Variants in RBM19 observed in about 807,000 individuals in gnomAD.
RBM19 encodes probable RNA-binding protein 19.
A neutral mutation model predicts 116.8 loss-of-function variants in RBM19; 94 were observed. That is an observed-to-expected ratio of 0.80 (90% CI 0.68 to 0.95). The LOEUF (loss-of-function observed/expected upper bound fraction) is 0.95. RBM19 is among the 40% of genes least tolerant of loss of function. RBM19 has a pLI of 0.00. For missense variants in RBM19, 1,161 were observed against 1,220.7 expected (o/e 0.95, Z 0.73); for synonymous variants, 475 against 494.1 (o/e 0.96, Z 0.51).
intron 21 of RBM19, among the ~76,000 whole-genome samples, chr12:113,896,681 G>A (rs928779710): frequency 6.6e-6 from 1 of 152,150 alleles, no homozygotes; most frequent in African/African-American, 2.4e-5. Context: ...AAGGCGGGAG[G>A]AATGGTGAAT....
chr12:113,926,753 A>G (rs1212033363), intron 17 of RBM19, among the ~76,000 whole-genome samples: 1 of 152,170 alleles, frequency 6.6e-6, no homozygotes, highest in Non-Finnish European at 1.5e-5. Flanking sequence ...GGGTATTTAC[A>G]TCATAGAAAC....
intron 15 of RBM19, 50 bp downstream of exon 15, chr12:113,939,910 G>A: frequency 6.3e-7 from 1 of 1,587,842 alleles, no homozygotes; most frequent in East Asian, 2.2e-5. Context: ...CCTTGAAGCA[G>A]CCCTCACTGG....
At chr12:113,844,566 C>T (rs1310511422) in intron 23 of RBM19, 102 bp downstream of exon 23, 2 of 1,441,600 alleles carry the variant, frequency 1.4e-6, no homozygotes, top group East Asian at 2.6e-5. Flanking sequence ...CCCTTGTGCC[C>T]ATAGCCTGCT....
intron 23 of RBM19, among the ~76,000 whole-genome samples, chr12:113,828,189 T>A (rs73393036): frequency 0.031 from 4,719 of 150,990 alleles, 239 homozygotes; most frequent in African/African-American, 0.11. Context: ...TTTGCTGACA[T>A]GATTTGCCAT....
intron 23 of RBM19, among the ~76,000 whole-genome samples, chr12:113,827,456 T>C (rs1443562754): frequency 7.5e-6 from 1 of 132,946 alleles, no homozygotes. Flanking sequence ...TGGCTGGCGC[T>C]GTCGGCCCTG....
chr12:113,856,210 T>G (rs1451697078), intron 22 of RBM19, among the ~76,000 whole-genome samples: 1 of 152,056 alleles, frequency 6.6e-6, no homozygotes, highest in African/African-American at 2.4e-5. Flanking sequence ...AGGGAAGGGA[T>G]GGAGGGGGAG....
At chr12:113,925,742 C>A (rs12425416) in intron 17 of RBM19, among the ~76,000 whole-genome samples, 6,527 of 152,260 alleles carry the variant, frequency 0.043, 352 homozygotes, top group Admixed American at 0.16. Flanking sequence ...GCTATGACTT[C>A]CAGCTCCAGA....
chr12:113,885,572 C>G (rs988094068), intron 21 of RBM19, among the ~76,000 whole-genome samples: 1 of 152,038 alleles, frequency 6.6e-6, no homozygotes, highest in South Asian at 2.1e-4. Context: ...AGGTTAATTT[C>G]CTGGTTTTGA....
intron 21 of RBM19, among the ~76,000 whole-genome samples, chr12:113,874,102 C>CT (rs1265456984): frequency 6.6e-6 from 1 of 152,360 alleles, no homozygotes; most frequent in East Asian, 1.9e-4. Context: ...TGTCACCCTG[C>CT]TTCATTTGTC....
At chr12:113,946,616 A>T in intron 11 of RBM19, 141 bp from the exon 12 acceptor site, 1 of 1,094,922 alleles carries the variant, frequency 9.1e-7, no homozygotes, top group African/African-American at 1.6e-5. Flanking sequence ...GAGGTCAGGT[A>T]GAACGTGGCC....
chr12:113,951,837 G>A (rs1340382622), intron 8 of RBM19, among the ~76,000 whole-genome samples: 1 of 152,096 alleles, frequency 6.6e-6, no homozygotes, highest in Non-Finnish European at 1.5e-5. Flanking sequence ...CTCTACCCAG[G>A]CCAGTGTCTT....
At chr12:113,941,493 G>A (rs1870561640) in intron 14 of RBM19, among the ~76,000 whole-genome samples, 1 of 148,566 alleles carries the variant, frequency 6.7e-6, no homozygotes, top group Admixed American at 6.6e-5. Context: ...TTAGAAGAGT[G>A]CTTTGGTAAG....
chr12:113,947,563 T>C, intron 10 of RBM19, 99 bp from the exon 11 acceptor site: 2 of 1,332,734 alleles, frequency 1.5e-6, no homozygotes, highest in South Asian at 1.7e-5. Context: ...TCACAGGTCA[T>C]GGGTGTCATT....
intron 22 of RBM19, among the ~76,000 whole-genome samples, chr12:113,851,151 A>C (rs1339985294): frequency 1.3e-5 from 2 of 152,152 alleles, no homozygotes; most frequent in Non-Finnish European, 2.9e-5. Context: ...CTCCCTGCAC[A>C]ATCTTGGGTG....
chr12:113,892,485 T>C (rs567909353), intron 21 of RBM19, among the ~76,000 whole-genome samples: 1 of 152,296 alleles, frequency 6.6e-6, no homozygotes, highest in African/African-American at 2.4e-5. Flanking sequence ...GAGAAAGAAT[T>C]TTGAAAGAGT....
At chr12:113,889,968 C>T (rs1880835243) in intron 21 of RBM19, among the ~76,000 whole-genome samples, 1 of 152,108 alleles carries the variant, frequency 6.6e-6, no homozygotes, top group Non-Finnish European at 1.5e-5. Flanking sequence ...TTCTCCAGCT[C>T]CCCAGCTCCC....
chr12:113,854,958 A>G (rs1877776587), intron 22 of RBM19, among the ~76,000 whole-genome samples: 1 of 152,236 alleles, frequency 6.6e-6, no homozygotes, highest in African/African-American at 2.4e-5. Flanking sequence ...TGCTATTATC[A>G]TCAGTTGCCT....
At chr12:113,873,960 A>T (rs1240506502) in intron 21 of RBM19, among the ~76,000 whole-genome samples, 1 of 152,002 alleles carries the variant, frequency 6.6e-6, no homozygotes, top group African/African-American at 2.4e-5. Flanking sequence ...CTTAGCACAG[A>T]GACAAACAGA....
chr12:113,850,641 G>T (rs552870238), intron 22 of RBM19, among the ~76,000 whole-genome samples: 2 of 152,334 alleles, frequency 1.3e-5, no homozygotes, highest in South Asian at 4.1e-4. Flanking sequence ...GCAACAAAAG[G>T]CATTGCATGC....
Sources: gnomAD v4.1 joint callset for allele counts (sites outside exome capture counted in the v4.1 genomes callset) on GRCh38, gnomAD v4.1.1 for gene constraint, MANE v1.5 for transcripts, NCBI Gene and HGNC (gene_info 2026-07-23, HGNC 2026-07-21) for gene names.